The following BARX2 variants were observed in gnomAD, a reference collection of about 807,000 sequenced individuals.
BARX2 encodes the protein BARX homeobox 2, also known as homeobox protein BarH-like 2.
A neutral mutation model predicts 25.5 loss-of-function variants in BARX2; 11 were observed. That is an observed-to-expected ratio of 0.43 (90% CI 0.27 to 0.71). BARX2 has a LOEUF of 0.71. BARX2 is among the 30% of genes least tolerant of loss of function. BARX2 has a pLI of 0.19. For missense variants in BARX2, 360 were observed against 359.9 expected, an observed-to-expected ratio of 1.00 and a Z score of 0.00; for synonymous variants, 137 against 149.5, an observed-to-expected ratio of 0.92 and a Z score of 0.61.
chr11:129,412,802 C>T (rs1256404891), intron 1 of BARX2, among the ~76,000 whole-genome samples: 1 of 152,124 alleles, frequency 6.6e-6, no homozygotes, highest in Non-Finnish European at 1.5e-5. Flanking sequence ...GTATCCAGGT[C>T]CCACCTCTTA....
intron 1 of BARX2, among the ~76,000 whole-genome samples, chr11:129,431,655 A>G (rs967579495): frequency 6.6e-6 from 1 of 152,176 alleles, no homozygotes; most frequent in Non-Finnish European, 1.5e-5. Context: ...AAACTTTGAG[A>G]GTTCTTTATA....
chr11:129,442,413 C>T (rs923265237), intron 2 of BARX2, among the ~76,000 whole-genome samples: 5 of 152,102 alleles, frequency 3.3e-5, no homozygotes, highest in Admixed American at 2.0e-4. Flanking sequence ...GGAGGTGGGA[C>T]CGGGGCTGGG....
At chr11:129,418,070 G>A (rs1277963609) in intron 1 of BARX2, among the ~76,000 whole-genome samples, 1 of 152,092 alleles carries the variant, frequency 6.6e-6, no homozygotes, top group Non-Finnish European at 1.5e-5. Flanking sequence ...TAGAACCTAG[G>A]GAGAAGAGGA....
At chr11:129,406,889 G>GT (rs1276299846) in intron 1 of BARX2, among the ~76,000 whole-genome samples, 1 of 152,136 alleles carries the variant, frequency 6.6e-6, no homozygotes, top group Non-Finnish European at 1.5e-5. Context: ...TAAAAATCAG[G>GT]TTAAAAAAAT....
intron 3 of BARX2, among the ~76,000 whole-genome samples, chr11:129,444,128 G>A (rs1034211978): frequency 6.6e-6 from 1 of 151,904 alleles, no homozygotes; most frequent in South Asian, 2.1e-4. Context: ...AAAGTCAGTG[G>A]ATAGATGTTT....
Position 129,376,290 on chromosome 11 carries a change from T to C in BARX2, c.187+68T>C. The C allele has an allele frequency of 3.6e-6, 5 of 1,405,374 alleles. No homozygotes were observed. Among genetic ancestry groups the C allele is most frequent in the Non-Finnish European group, 4.8e-6 (5 of 1,039,702 alleles). The allele number at this position is 1,405,374 out of a possible 1,614,324, so 87.1% of individuals were successfully genotyped here. The stretch of plus-strand genomic sequence containing the variant: ...CACGTCCGTGTAGGTGGCCTGTGCT[T>C]TGCGATCCGAGGGCGAGAGGAAGGG... On this transcript the variant is annotated intron_variant, in intron 1 of 3. Transcript: ENST00000281437. The surrounding 1 kb of genome is among the most constrained non-coding windows in gnomAD (Gnocchi z 4.2).
At chr11:129,413,932 G>A (rs1861915980) in intron 1 of BARX2, among the ~76,000 whole-genome samples, 2 of 152,134 alleles carry the variant, frequency 1.3e-5, no homozygotes, top group South Asian at 2.1e-4. Flanking sequence ...CGGGCGTGGT[G>A]GCGGGCGCCT....
chr11:129,394,807 G>A (rs1861701228), intron 1 of BARX2, among the ~76,000 whole-genome samples: 1 of 152,154 alleles, frequency 6.6e-6, no homozygotes, highest in East Asian at 1.9e-4. Context: ...TTTGCGGACT[G>A]GAAAAGTAAT....
At chr11:129,407,102 C>T (rs1444763245) in intron 1 of BARX2, among the ~76,000 whole-genome samples, 1 of 152,128 alleles carries the variant, frequency 6.6e-6, no homozygotes, top group East Asian at 1.9e-4. Flanking sequence ...AATGGGACCT[C>T]AGAAGTCACT....
chr11:129,442,907 A>G lies in BARX2; in HGVS notation c.561A>G (p.Lys187=), dbSNP rs757392538. 4 of 1,612,454 alleles carry G rather than the reference A, an allele frequency of 2.5e-6. No homozygotes were observed. The highest frequency in any genetic ancestry group is 3.4e-6 in the Non-Finnish European group (4 of 1,178,536). ...CCTGGTATCAGAATCGCAGGATGAA[A>G]TGGAAGAAAATGGTAAGAAAGGAGT... ...VKTWYQNRRM[K]WKKMVLKGGQ... is the part of the protein sequence containing the mutation. Residue 187 remains lysine (K), a synonymous_variant, in exon 3 of 4, where the codon AAA becomes AAG. Coordinates refer to ENST00000281437, the MANE Select transcript of BARX2 (RefSeq NM_003658.5).
At chr11:129,443,331 C>T (rs1055505127) in intron 3 of BARX2, among the ~76,000 whole-genome samples, 3 of 152,074 alleles carry the variant, frequency 2.0e-5, no homozygotes, top group African/African-American at 7.2e-5. Context: ...ACCCTACCTG[C>T]TAGCCTTTTC....
In BARX2 at chr11:129,442,830, T is replaced by C. The variant is rs761331239; in HGVS notation, c.489-5T>C. ...CACCTTTCCTTTGTATCTTGTGCCT[T>C]CTAGGTTGGACTTGGCTCAGTCTCT... On this transcript the variant is annotated splice_region_variant and splice_polypyrimidine_tract_variant and intron_variant, in intron 2 of 3. Transcript: ENST00000281437. 6.8e-6 allele frequency: 11 copies of C among 1,612,348 alleles called. No homozygotes were observed. Among genetic ancestry groups the C allele is most frequent in the South Asian group, 6.6e-5 (6 of 91,046 alleles).
chr11:129,378,563 C>CTTTTTTTTTTTTTTTTTTTTTTT (rs56804728), intron 1 of BARX2, among the ~76,000 whole-genome samples: 1 of 111,210 alleles, frequency 9.0e-6, no homozygotes, highest in East Asian at 2.5e-4. Flanking sequence ...TTTTCTTTTT[C>CTTTTTTTTTTTTTTTTTTTTTTT]TTTTTTTTTT....
intron 1 of BARX2, among the ~76,000 whole-genome samples, chr11:129,412,086 C>T (rs1198447949): frequency 6.6e-6 from 1 of 152,078 alleles, no homozygotes; most frequent in Non-Finnish European, 1.5e-5. Context: ...TCCTGGCTAA[C>T]ATGGTGAAAC....
intron 1 of BARX2, among the ~76,000 whole-genome samples, chr11:129,435,207 A>AT (rs895544115): frequency 7.3e-5 from 11 of 151,654 alleles, no homozygotes; most frequent in East Asian, 1.9e-4. Context: ...CTCCCAGGTG[A>AT]TTTTTTTTTC....
chr11:129,396,770 A>T (rs1203923821), intron 1 of BARX2, among the ~76,000 whole-genome samples: 3 of 152,098 alleles, frequency 2.0e-5, no homozygotes, highest in African/African-American at 7.2e-5. Context: ...AGGACGTGGG[A>T]TTTGAACTTG....
At chr11:129,423,203 G>T (rs758107578) in intron 1 of BARX2, among the ~76,000 whole-genome samples, 9 of 148,602 alleles carry the variant, frequency 6.1e-5, no homozygotes, top group Middle Eastern at 7.5e-3. Flanking sequence ...TGCAACCTCC[G>T]CCTCCCAGAT....
intron 2 of BARX2, among the ~76,000 whole-genome samples, chr11:129,442,101 A>ATATT (rs762424066): frequency 6.6e-6 from 1 of 152,140 alleles, no homozygotes; most frequent in African/African-American, 2.4e-5. Flanking sequence ...AATCTTTATA[A>ATATT]TATTTATTTA....
At chr11:129,419,057 G>A (rs1861975265) in intron 1 of BARX2, among the ~76,000 whole-genome samples, 1 of 152,224 alleles carries the variant, frequency 6.6e-6, no homozygotes, top group Non-Finnish European at 1.5e-5. Flanking sequence ...GAACAGGCGT[G>A]CCTACATGGT....
Sources: gnomAD v4.1 joint callset for allele counts (sites outside exome capture counted in the v4.1 genomes callset) on GRCh38, gnomAD v4.1.1 for gene constraint, Gnocchi (gnomAD v3.1) non-coding constraint, MANE v1.5 for transcripts, NCBI Gene and HGNC (gene_info 2026-07-23, HGNC 2026-07-21) for gene names.